The following ESRRG variants were observed in gnomAD, a reference collection of about 807,000 sequenced individuals.
ESRRG encodes the protein estrogen-related receptor gamma.
Under a neutral mutation model 44.0 loss-of-function variants are expected in ESRRG, and 13 were observed. The ratio of observed to expected loss-of-function variants is 0.30; its 90% CI spans 0.19 to 0.47. ESRRG has a LOEUF of 0.47. Ranked by LOEUF, ESRRG falls within the 20% of genes least tolerant of loss-of-function variation. The pLI is 1.00. For synonymous variants in ESRRG, 215 were observed against 214.6 expected, an observed-to-expected ratio of 1.00 and a Z score of -0.02; for missense variants, 395 against 580.6, an observed-to-expected ratio of 0.68 and a Z score of 3.29.
At chr1:216,878,334 A>G (rs1282613356) in intron 2 of ESRRG, among the ~76,000 whole-genome samples, 2 of 152,204 alleles carry the variant, frequency 1.3e-5, no homozygotes, top group East Asian at 3.9e-4. Flanking sequence ...CCTCATCAGT[A>G]TTAGGCACTA....
At chr1:216,650,017 T>C (rs1160541000) in intron 3 of ESRRG, among the ~76,000 whole-genome samples, 2 of 152,160 alleles carry the variant, frequency 1.3e-5, no homozygotes, top group South Asian at 2.1e-4. Context: ...CATAGTTCTA[T>C]GATGCAACAG....
At chr1:216,732,177 T>A (rs1488530314) in intron 2 of ESRRG, among the ~76,000 whole-genome samples, 1 of 150,488 alleles carries the variant, frequency 6.6e-6, no homozygotes, top group Non-Finnish European at 1.5e-5. Flanking sequence ...GAATACCCAA[T>A]ATTTTTGCTA....
intron 1 of ESRRG, among the ~76,000 whole-genome samples, chr1:216,993,855 G>C (rs949311249): frequency 6.6e-6 from 1 of 152,128 alleles, no homozygotes; most frequent in Non-Finnish European, 1.5e-5. Flanking sequence ...CAGATTTTCA[G>C]TTACTTCTTT....
intron 1 of ESRRG, among the ~76,000 whole-genome samples, chr1:217,020,774 A>G (rs1412266724): frequency 2.6e-5 from 4 of 152,224 alleles, no homozygotes; most frequent in South Asian, 4.1e-4. Context: ...TGACTCGGTC[A>G]TGGAAAATTA....
chr1:216,707,718 T>G (rs2151938983), intron 1 of ESRRG, among the ~76,000 whole-genome samples: 1 of 152,312 alleles, frequency 6.6e-6, no homozygotes, highest in East Asian at 1.9e-4. Context: ...AGCCAAATAC[T>G]TTTGAATGAT....
intron 1 of ESRRG, chr1:216,707,470 G>A: frequency 6.5e-7 from 1 of 1,534,324 alleles, no homozygotes. Flanking sequence ...ATTCATGATG[G>A]GAACTTTACA....
intron 2 of ESRRG, among the ~76,000 whole-genome samples, chr1:216,817,810 G>A (rs1392680850): frequency 1.3e-5 from 2 of 152,000 alleles, no homozygotes; most frequent in African/African-American, 4.8e-5. Context: ...TGCCTACTAC[G>A]GCAAAGCCAA....
chr1:216,617,297 T>C (rs1433808542), intron 3 of ESRRG, among the ~76,000 whole-genome samples: 2 of 152,048 alleles, frequency 1.3e-5, no homozygotes. Context: ...TATAAATAGG[T>C]GACACTATTT....
At chr1:216,939,097 G>T (rs1335500899) in intron 2 of ESRRG, among the ~76,000 whole-genome samples, 1 of 151,988 alleles carries the variant, frequency 6.6e-6, no homozygotes. Flanking sequence ...CTCACAGAAG[G>T]TAGAATTAGA....
At chr1:216,669,872 A>G (rs2074791418) in intron 2 of ESRRG, among the ~76,000 whole-genome samples, 1 of 151,016 alleles carries the variant, frequency 6.6e-6, no homozygotes, top group East Asian at 1.9e-4. Flanking sequence ...GGTAACAGAA[A>G]GAGACTCTGT....
At chr1:216,871,492 G>A (rs112746419) in intron 2 of ESRRG, among the ~76,000 whole-genome samples, 6 of 151,868 alleles carry the variant, frequency 4.0e-5, no homozygotes, top group African/African-American at 1.4e-4. Flanking sequence ...AGATTCAATT[G>A]GTTGATGGTG....
At chr1:216,673,945 A>G (rs1173750071) in intron 2 of ESRRG, among the ~76,000 whole-genome samples, 1 of 152,212 alleles carries the variant, frequency 6.6e-6, no homozygotes, top group African/African-American at 2.4e-5. Flanking sequence ...TTCTCAGTAA[A>G]TATTCGTTGA....
Position 216,740,568 on chromosome 1 carries a change from C to CT in ESRRG, c.-13-63078dup, listed in dbSNP as rs2090538405. ...TGACAAAAAAAGCACAAGGGGAGGC[C>CT]TTTTTTGTTCAATTTTGGACGAGAG... is the stretch of plus-strand genomic sequence containing the variant. On this transcript the variant is annotated intron_variant, in intron 2 of 7. Transcript: ENST00000359162. Among the ~76,000 whole-genome samples, 2 of 151,442 alleles carry CT rather than the reference C, an allele frequency of 1.3e-5. 1 individual carries two copies. Among genetic ancestry groups the CT allele is most frequent in the Admixed American group, 1.3e-4 (2 of 15,190 alleles).
chr1:216,711,119 A>G (rs2083500444), intron 1 of ESRRG, among the ~76,000 whole-genome samples: 1 of 152,014 alleles, frequency 6.6e-6, no homozygotes, highest in Non-Finnish European at 1.5e-5. Context: ...CTACCTATCG[A>G]CCGAGCCAAT....
At chr1:216,885,698 A>G (rs959315928) in intron 2 of ESRRG, among the ~76,000 whole-genome samples, 3 of 151,908 alleles carry the variant, frequency 2.0e-5, no homozygotes, top group Non-Finnish European at 4.4e-5. Context: ...AGATCATTTT[A>G]GATTCATAGG....
chr1:216,988,769 CAGCA>C (rs1172883965), intron 1 of ESRRG, among the ~76,000 whole-genome samples: 1 of 152,198 alleles, frequency 6.6e-6, no homozygotes, highest in East Asian at 1.9e-4. Flanking sequence ...TTTCAGACAG[CAGCA>C]ATGGACACTT....
chr1:216,569,928 T>A (rs1015297202), intron 3 of ESRRG, among the ~76,000 whole-genome samples: 1 of 152,146 alleles, frequency 6.6e-6, no homozygotes, highest in Non-Finnish European at 1.5e-5. Flanking sequence ...AGAGCTCCAG[T>A]TTTTTTGGAA....
chr1:216,592,524 A>T lies in ESRRG; in HGVS notation c.590-24426T>A, dbSNP rs535375620. Among the ~76,000 whole-genome samples the T allele has an allele frequency of 3.3e-5, 5 of 150,314 alleles. 1 individual carries two copies. The highest frequency in any genetic ancestry group is 1.2e-4 in the African/African-American group (5 of 40,854). ...CTATCTTTTTTTTTTTCTTCTGGAGATAGAGTCTTGCTGTCACCAAGGCTG... is the reference window on the plus strand; with the variant it reads ...CTATCTTTTTTTTTTTCTTCTGGAGTTAGAGTCTTGCTGTCACCAAGGCTG... On this transcript the variant is annotated intron_variant, in intron 3 of 6. Transcript: ENST00000408911.
At chr1:216,955,614 C>T (rs911739313) in intron 1 of ESRRG, among the ~76,000 whole-genome samples, 7 of 151,970 alleles carry the variant, frequency 4.6e-5, no homozygotes, top group Non-Finnish European at 8.8e-5. Context: ...TTTAAAAAAC[C>T]CTCCATGCTG....
Sources: gnomAD v4.1 joint callset for allele counts (sites outside exome capture counted in the v4.1 genomes callset) on GRCh38, gnomAD v4.1.1 for gene constraint, MANE v1.5 for transcripts, NCBI Gene and HGNC (gene_info 2026-07-23, HGNC 2026-07-21) for gene names.